NXPH2: variants seen among roughly 807,000 people sequenced by gnomAD.
NXPH2 encodes the protein neurexophilin-2.
Under a neutral mutation model 19.8 loss-of-function variants are expected in NXPH2, and 5 were observed. The ratio of observed to expected loss-of-function variants is 0.25; its 90% confidence interval spans 0.13 to 0.53. NXPH2 has a LOEUF of 0.53. Ranked by LOEUF, NXPH2 falls within the 20% of genes least tolerant of loss-of-function variation. The probability of loss-of-function intolerance (pLI) is 0.96; values close to 1 mark genes in which losing one functional copy is unlikely to be tolerated. For synonymous variants in NXPH2, 154 were observed against 127.4 expected, an observed-to-expected ratio of 1.21 and a Z score of -1.41; for missense variants, 289 against 322.8, an observed-to-expected ratio of 0.90 and a Z score of 0.80.
intron 1 of NXPH2, among the ~76,000 whole-genome samples, chr2:138,710,267 A>C (rs1454891570): frequency 6.6e-6 from 1 of 152,200 alleles, no homozygotes; most frequent in Non-Finnish European, 1.5e-5. Context: ...GCTAAATAAC[A>C]TTTAATTGTA....
intron 1 of NXPH2, among the ~76,000 whole-genome samples, chr2:138,757,883 G>A (rs191319214): frequency 9.9e-5 from 15 of 151,832 alleles, no homozygotes; most frequent in Admixed American, 9.2e-4. Flanking sequence ...GGTTCCACTT[G>A]CTTGGTTGAA....
intron 1 of NXPH2, among the ~76,000 whole-genome samples, chr2:138,700,774 C>G (rs926151884): frequency 5.3e-5 from 8 of 151,928 alleles, no homozygotes; most frequent in African/African-American, 1.9e-4. Context: ...TGAGAGATTT[C>G]GCTTTACATT....
In NXPH2 at chr2:138,701,975, G is replaced by A. The variant is rs140275784; in HGVS notation, c.52-30310C>T. ...TATCATAGGAGAGGTCGGTTACTCC[G>A]GTTTAAGGCAAAGCTAGTGTGGAGG... On this transcript the variant is annotated intron_variant, in intron 1 of 1. Transcript: ENST00000272641. Among the ~76,000 whole-genome samples the A allele has an allele frequency of 6.7e-3, 1,013 of 152,210 alleles. 12 individuals carry two copies. The highest frequency in any genetic ancestry group is 0.023 in the African/African-American group (943 of 41,512).
intron 1 of NXPH2, among the ~76,000 whole-genome samples, chr2:138,772,595 C>A (rs530440847): frequency 7.2e-4 from 110 of 152,280 alleles, no homozygotes; most frequent in Non-Finnish European, 1.4e-3. Flanking sequence ...CCGCGCCCGG[C>A]CCATGAGGTT....
intron 1 of NXPH2, among the ~76,000 whole-genome samples, chr2:138,742,627 A>C (rs959000805): frequency 6.6e-6 from 1 of 152,218 alleles, no homozygotes; most frequent in African/African-American, 2.4e-5. Context: ...CCAGCAGGGC[A>C]AATGAATGAG....
At chr2:138,686,965 G>A (rs1365059136) in intron 1 of NXPH2, among the ~76,000 whole-genome samples, 2 of 152,050 alleles carry the variant, frequency 1.3e-5, no homozygotes, top group Non-Finnish European at 2.9e-5. Flanking sequence ...ATGGACATTT[G>A]GGTTGGTTCC....
At chr2:138,732,164 T>C (rs578019311) in intron 1 of NXPH2, among the ~76,000 whole-genome samples, 4 of 152,312 alleles carry the variant, frequency 2.6e-5, no homozygotes, top group East Asian at 1.9e-4. Flanking sequence ...ATGGACAACA[T>C]TGCTTTGCAA....
intron 1 of NXPH2, among the ~76,000 whole-genome samples, chr2:138,699,574 CTCGATGAGT>C (rs1432955303): frequency 5.3e-5 from 8 of 151,980 alleles, no homozygotes; most frequent in Middle Eastern, 6.3e-3. Flanking sequence ...AGCGGTGAGA[CTCGATGAGT>C]AGGGTTAAAG....
intron 1 of NXPH2, among the ~76,000 whole-genome samples, chr2:138,753,858 T>C (rs916119875): frequency 2.0e-5 from 3 of 152,202 alleles, no homozygotes; most frequent in African/African-American, 7.2e-5. Context: ...GGAAAATAAC[T>C]TTATTAACTA....
chr2:138,741,896 T>TG (rs1290725138), intron 1 of NXPH2, among the ~76,000 whole-genome samples: 1 of 152,186 alleles, frequency 6.6e-6, no homozygotes, highest in African/African-American at 2.4e-5. Context: ...GGGGCATTAA[T>TG]GGGGAAAATG....
chr2:138,721,107 C>T (rs1427196569), intron 1 of NXPH2, among the ~76,000 whole-genome samples: 10 of 151,882 alleles, frequency 6.6e-5, no homozygotes, highest in African/African-American at 1.9e-4. Context: ...TTTGGGAGGC[C>T]GAGGTGGGTG....
At position 138,719,973 on chromosome 2, in the gene NXPH2, G is replaced by T. The variant is rs529496810; in HGVS notation, c.52-48308C>A. On this transcript the variant is annotated intron_variant, in intron 1 of 1. Coordinates refer to ENST00000272641, the MANE Select transcript of NXPH2 (RefSeq NM_007226.3). Reference sequence around the variant, plus strand: ...ACTTTAAAGCAAATTTCAATATATGGTACTACATGTACCACCTCATTATTC... The same window carrying T: ...ACTTTAAAGCAAATTTCAATATATGTTACTACATGTACCACCTCATTATTC... Among the ~76,000 whole-genome samples the T allele has an allele frequency of 3.3e-5, 5 of 152,056 alleles. No homozygotes were observed. In the South Asian group the frequency reaches 6.2e-4, roughly 19 times the overall value.
intron 1 of NXPH2, among the ~76,000 whole-genome samples, chr2:138,709,050 C>T (rs920185625): frequency 1.3e-5 from 2 of 152,280 alleles, no homozygotes; most frequent in African/African-American, 4.8e-5. Flanking sequence ...CAAATACTCC[C>T]CTGGTCCACA....
intron 1 of NXPH2, among the ~76,000 whole-genome samples, chr2:138,733,311 C>T (rs1681480252): frequency 6.6e-6 from 1 of 152,156 alleles, no homozygotes; most frequent in African/African-American, 2.4e-5. Flanking sequence ...GAGAGTAACT[C>T]AGAAAGAACG....
At chr2:138,753,233 ATGTT>A (rs1681851718) in intron 1 of NXPH2, among the ~76,000 whole-genome samples, 1 of 152,180 alleles carries the variant, frequency 6.6e-6, no homozygotes, top group African/African-American at 2.4e-5. Flanking sequence ...TTATAATCTA[ATGTT>A]AATTTACTCT....
At chr2:138,742,565 C>T (rs1049801729) in intron 1 of NXPH2, among the ~76,000 whole-genome samples, 9 of 151,952 alleles carry the variant, frequency 5.9e-5, no homozygotes, top group South Asian at 4.2e-4. Context: ...GAAGAGTGTC[C>T]GGTAACAGCA....
chr2:138,704,237 C>G (rs927962478), intron 1 of NXPH2, among the ~76,000 whole-genome samples: 1 of 152,116 alleles, frequency 6.6e-6, no homozygotes, highest in African/African-American at 2.4e-5. Context: ...GTATAAAATA[C>G]TAGTAGATAT....
chr2:138,729,038 T>A (rs1245230702), intron 1 of NXPH2, among the ~76,000 whole-genome samples: 1 of 152,196 alleles, frequency 6.6e-6, no homozygotes, highest in Non-Finnish European at 1.5e-5. Flanking sequence ...ATTAGTCCAA[T>A]TATTACACAA....
intron 1 of NXPH2, among the ~76,000 whole-genome samples, chr2:138,767,357 G>T (rs1394194910): frequency 6.6e-6 from 1 of 152,204 alleles, no homozygotes; most frequent in Non-Finnish European, 1.5e-5. Flanking sequence ...TCATCCCTTT[G>T]CTCTATCTCT....
Sources: gnomAD v4.1 joint callset for allele counts (sites outside exome capture counted in the v4.1 genomes callset) on GRCh38, gnomAD v4.1.1 for gene constraint, MANE v1.5 for transcripts, NCBI Gene and HGNC (gene_info 2026-07-23, HGNC 2026-07-21) for gene names.